Variants in ACYP2 observed in about 807,000 individuals in gnomAD.
ACYP2 encodes acylphosphatase-2.
Under a neutral mutation model 11.2 loss-of-function variants are expected in ACYP2, and 12 were observed. The observed-to-expected ratio is 1.08, with a 90% CI of 0.69 to 1.74. The LOEUF is 1.74. ACYP2 is among the 40% of genes most tolerant of loss of function. The probability of loss-of-function intolerance (pLI) is 0.00; values close to 1 mark genes in which losing one functional copy is unlikely to be tolerated. For synonymous variants in ACYP2, 43 were observed against 32.2 expected (o/e 1.33, Z -1.13); for missense variants, 134 against 101.9 (o/e 1.31, Z -1.35).
chr2:54,058,166 T>C lies in ACYP2; in HGVS notation c.277+806T>C, dbSNP rs185110178. Among the ~76,000 whole-genome samples the C allele has an allele frequency of 1.9e-3, 288 of 152,248 alleles. 1 individual carries two copies. Among genetic ancestry groups the C allele is most frequent in the Admixed American group, 4.7e-3 (72 of 15,272 alleles). ...TAATTCACATTAAATGGAGTGTTGG[T>C]GTTAACGCATGATACAAGCTAAAAT... On this transcript the variant is annotated intron_variant, in intron 4 of 6. Transcript: ENST00000607452.
chr2:54,155,227 A>G (rs1392185900), intron 6 of ACYP2, among the ~76,000 whole-genome samples: 1 of 151,112 alleles, frequency 6.6e-6, no homozygotes, highest in African/African-American at 2.4e-5. Flanking sequence ...GATTTTGTTT[A>G]TCTTTTCAAG....
At chr2:54,180,191 C>T (rs1038671031) in intron 6 of ACYP2, among the ~76,000 whole-genome samples, 2 of 152,146 alleles carry the variant, frequency 1.3e-5, no homozygotes, top group Non-Finnish European at 2.9e-5. Flanking sequence ...CTCCAGAAGT[C>T]TCCAGGTGCT....
At chr2:54,095,551 C>A (rs1193825175) in intron 4 of ACYP2, among the ~76,000 whole-genome samples, 1 of 149,318 alleles carries the variant, frequency 6.7e-6, no homozygotes, top group Non-Finnish European at 1.5e-5. Context: ...GGGCAGCTGG[C>A]TGGGCGGGGG....
At chr2:54,244,682 G>A (rs1686874177) in intron 6 of ACYP2, among the ~76,000 whole-genome samples, 1 of 151,960 alleles carries the variant, frequency 6.6e-6, no homozygotes, top group South Asian at 2.1e-4. Context: ...GCTAGGAATT[G>A]TCCCCCTCAT....
intron 6 of ACYP2, among the ~76,000 whole-genome samples, chr2:54,287,317 A>C (rs1263270953): frequency 6.6e-6 from 1 of 151,980 alleles, no homozygotes; most frequent in Non-Finnish European, 1.5e-5. Context: ...TAAGTGGCTA[A>C]TCCCATGCAT....
At chr2:54,055,992 C>G (rs1676128182) in intron 3 of ACYP2, among the ~76,000 whole-genome samples, 1 of 152,146 alleles carries the variant, frequency 6.6e-6, no homozygotes, top group Admixed American at 6.6e-5. Flanking sequence ...TTCTTTCACT[C>G]CATGGAAACC....
chr2:54,109,152 C>T (rs1039508186), intron 4 of ACYP2, among the ~76,000 whole-genome samples: 6 of 152,166 alleles, frequency 3.9e-5, no homozygotes, highest in East Asian at 3.9e-4. Flanking sequence ...CCAGCCCAAA[C>T]GCCCATCAAT....
chr2:54,217,796 C>G (rs919192662), intron 6 of ACYP2, among the ~76,000 whole-genome samples: 10 of 152,066 alleles, frequency 6.6e-5, no homozygotes, highest in African/African-American at 2.4e-4. Flanking sequence ...AAACACATGC[C>G]TTTAGCAGGA....
chr2:54,140,856 G>A (rs1681564701), intron 6 of ACYP2, among the ~76,000 whole-genome samples: 1 of 152,110 alleles, frequency 6.6e-6, no homozygotes, highest in Non-Finnish European at 1.5e-5. Flanking sequence ...CCAGGAGTGT[G>A]ATTTGTTGGT....
chr2:54,172,792 T>C (rs921750627), intron 6 of ACYP2, among the ~76,000 whole-genome samples: 1 of 152,076 alleles, frequency 6.6e-6, no homozygotes, highest in Non-Finnish European at 1.5e-5. Flanking sequence ...TGAGAACATG[T>C]GGTGTTTGGT....
At chr2:54,239,675 A>T (rs75531391) in intron 6 of ACYP2, among the ~76,000 whole-genome samples, 1,802 of 152,318 alleles carry the variant, frequency 0.012, 27 homozygotes, top group African/African-American at 0.041. Context: ...TAAACCACCA[A>T]GGTTATAAAG....
intron 6 of ACYP2, among the ~76,000 whole-genome samples, chr2:54,189,229 T>C (rs949535892): frequency 2.4e-4 from 36 of 152,204 alleles, no homozygotes; most frequent in Non-Finnish European, 5.0e-4. Context: ...TATAACATGC[T>C]ATTATTAACT....
chr2:54,147,728 T>TAC (rs1681960668), intron 6 of ACYP2, among the ~76,000 whole-genome samples: 1 of 152,074 alleles, frequency 6.6e-6, no homozygotes, highest in Non-Finnish European at 1.5e-5. Flanking sequence ...TCCTACTATG[T>TAC]TGTCTATGCT....
chr2:54,062,481 T>C (rs1013262752), intron 4 of ACYP2, among the ~76,000 whole-genome samples: 1 of 152,216 alleles, frequency 6.6e-6, no homozygotes, highest in Non-Finnish European at 1.5e-5. Context: ...ATAAATCTGG[T>C]TCCACTTTTA....
chr2:54,115,554 G>C (rs1679701132), intron 4 of ACYP2, 61 bp from the exon 1 acceptor site: 1 of 1,520,924 alleles, frequency 6.6e-7, no homozygotes, highest in Non-Finnish European at 8.8e-7. Context: ...CTTCCGACGC[G>C]TGACCCCGGC....
chr2:54,296,531 G>T lies in ACYP2; in HGVS notation c.405-8157G>T, dbSNP rs116156915. On this transcript the variant is annotated intron_variant, in intron 6 of 6. Transcript: ENST00000607452. ...AAGGTGGGCTGAGGGATAATTAAAA[G>T]TAATATACCCAAGATCATTGTCCTT... Among the ~76,000 whole-genome samples, 426 of 152,224 alleles carry T rather than the reference G, an allele frequency of 2.8e-3. 3 individuals carry two copies. Among genetic ancestry groups the T allele is most frequent in the African/African-American group, 9.7e-3 (402 of 41,534 alleles).
At chr2:54,053,380 G>A (rs1244666762) in intron 3 of ACYP2, among the ~76,000 whole-genome samples, 1 of 152,160 alleles carries the variant, frequency 6.6e-6, no homozygotes, top group Admixed American at 6.5e-5. Flanking sequence ...TGCTGTGGAA[G>A]GCCTCCCCAG....
At chr2:53,978,091 A>G (rs1451804527) in intron 2 of ACYP2, among the ~76,000 whole-genome samples, 1 of 151,902 alleles carries the variant, frequency 6.6e-6, no homozygotes, top group Non-Finnish European at 1.5e-5. Flanking sequence ...AAGAAACCCC[A>G]TCTCTACTAA....
chr2:54,160,976 A>T (rs1200562190), intron 6 of ACYP2, among the ~76,000 whole-genome samples: 4 of 152,204 alleles, frequency 2.6e-5, no homozygotes, highest in African/African-American at 7.2e-5. Flanking sequence ...TAGAACAATG[A>T]TCTCAAAGTA....
Sources: allele counts gnomAD v4.1 joint callset (sites outside exome capture counted in the v4.1 genomes callset), GRCh38; gene constraint gnomAD v4.1.1; transcripts MANE v1.5; gene names NCBI Gene and HGNC (gene_info 2026-07-23, HGNC 2026-07-21).